SGMS1: variants seen among roughly 807,000 people sequenced by gnomAD.
The protein encoded by SGMS1 is sphingomyelin synthase 1.
In SGMS1, 13 loss-of-function variants were observed where a neutral mutation model predicts 46.2. The ratio of observed to expected loss-of-function variants is 0.28; its 90% confidence interval spans 0.18 to 0.45. The LOEUF (loss-of-function observed/expected upper bound fraction) is 0.45. SGMS1 is among the 20% of genes least tolerant of loss of function. The pLI, the probability that SGMS1 is intolerant of heterozygous loss-of-function variation, is 1.00. For synonymous variants in SGMS1, 203 were observed against 187.8 expected (o/e 1.08, Z -0.66); for missense variants, 324 against 519.9 (o/e 0.62, Z 3.66).
intron 2 of SGMS1, among the ~76,000 whole-genome samples, chr10:50,583,284 T>C (rs1035333665): frequency 6.6e-6 from 1 of 152,172 alleles, no homozygotes. Flanking sequence ...TGAAAATGCT[T>C]TTCAAACCAT....
intron 7 of SGMS1, among the ~76,000 whole-genome samples, chr10:50,341,842 G>A (rs1847826275): frequency 6.6e-6 from 1 of 152,086 alleles, no homozygotes; most frequent in African/African-American, 2.4e-5. Context: ...ATTTCCTGTT[G>A]GGAAAATTGT....
intron 2 of SGMS1, among the ~76,000 whole-genome samples, chr10:50,553,595 G>A (rs1041529446): frequency 1.3e-5 from 2 of 152,032 alleles, no homozygotes; most frequent in Non-Finnish European, 1.5e-5. Context: ...TTTCTAGCTT[G>A]GGGCATTTAA....
chr10:50,566,925 G>A (rs1250076605), intron 2 of SGMS1, among the ~76,000 whole-genome samples: 2 of 152,098 alleles, frequency 1.3e-5, no homozygotes, highest in East Asian at 3.9e-4. Flanking sequence ...TTTTTGTTTT[G>A]TTTTGTTTTG....
At chr10:50,492,747 A>C (rs1837577321) in intron 3 of SGMS1, among the ~76,000 whole-genome samples, 2 of 152,206 alleles carry the variant, frequency 1.3e-5, no homozygotes, top group Non-Finnish European at 2.9e-5. Flanking sequence ...ATCTGATTCA[A>C]TGCTTTCCTA....
At chr10:50,574,111 T>C (rs1243593630) in intron 2 of SGMS1, among the ~76,000 whole-genome samples, 1 of 152,146 alleles carries the variant, frequency 6.6e-6, no homozygotes, top group Non-Finnish European at 1.5e-5. Flanking sequence ...ATATTAGATT[T>C]GGCAATGATT....
intron 3 of SGMS1, among the ~76,000 whole-genome samples, chr10:50,478,738 A>C (rs1837450654): frequency 6.6e-6 from 1 of 152,200 alleles, no homozygotes; most frequent in Admixed American, 6.5e-5. Flanking sequence ...TAAAAATAGG[A>C]ATTTATTTTT....
chr10:50,363,754 T>G (rs1848291770), intron 6 of SGMS1, among the ~76,000 whole-genome samples: 1 of 152,184 alleles, frequency 6.6e-6, no homozygotes, highest in African/African-American at 2.4e-5. Context: ...GAAAAAAGAC[T>G]TAAGGATACT....
At chr10:50,456,261 T>C (rs1431690398) in intron 5 of SGMS1, among the ~76,000 whole-genome samples, 1 of 149,786 alleles carries the variant, frequency 6.7e-6, no homozygotes, top group Non-Finnish European at 1.5e-5. Context: ...TGCTGGTTGA[T>C]GGGACAATAA....
chr10:50,623,978 G>A (rs1330715370), upstream of SGMS1: 4 of 985,248 alleles, frequency 4.1e-6, no homozygotes, highest in Non-Finnish European at 4.8e-6. Flanking sequence ...CCAGTCCGCT[G>A]CCCGAGCCGG....
In SGMS1 at chr10:50,327,194, G is replaced by C; in HGVS notation, c.741+11C>G. On this transcript the variant is annotated intron_variant, in intron 8 of 10. Transcript: ENST00000361781. ...AAACAGAAAGCGAAATTACAGCGAG[G>C]AATAGTTTACCTTCGGAGAACAGTT... 6.8e-7 allele frequency: 1 copy of C among 1,466,188 alleles called. No homozygotes were observed. Among genetic ancestry groups the C allele is most frequent in the Non-Finnish European group, 9.5e-7 (1 of 1,052,384 alleles). 90.8% of individuals were successfully genotyped at this position (1,466,188 alleles called of 1,614,324 possible).
intron 6 of SGMS1, among the ~76,000 whole-genome samples, chr10:50,355,327 C>T (rs1417116535): frequency 2.0e-5 from 3 of 152,196 alleles, no homozygotes; most frequent in African/African-American, 4.8e-5. Context: ...GATGCCAAGC[C>T]GAGGCTGGAC....
At chr10:50,309,166 T>C (rs1011593092) in intron 9 of SGMS1, among the ~76,000 whole-genome samples, 6 of 152,216 alleles carry the variant, frequency 3.9e-5, no homozygotes, top group Non-Finnish European at 7.4e-5. Context: ...ATCAGAAGTA[T>C]AGGGAGTGAA....
chr10:50,611,798 ACCCTT>A (rs1410001872), intron 1 of SGMS1, among the ~76,000 whole-genome samples: 1 of 149,700 alleles, frequency 6.7e-6, no homozygotes, highest in Non-Finnish European at 1.5e-5. Flanking sequence ...CCTTTCCTCC[ACCCTT>A]CCCTCTCCCC....
At chr10:50,596,436 C>T (rs1328164413) in intron 1 of SGMS1, among the ~76,000 whole-genome samples, 1 of 152,258 alleles carries the variant, frequency 6.6e-6, no homozygotes, top group Non-Finnish European at 1.5e-5. Flanking sequence ...CCTCGGCCTC[C>T]CAAAGTGCTG....
At chr10:50,419,081 G>A (rs1448317809) in intron 6 of SGMS1, among the ~76,000 whole-genome samples, 6 of 152,030 alleles carry the variant, frequency 3.9e-5, no homozygotes. Flanking sequence ...TTCACCATAG[G>A]TATGTATAGG....
chr10:50,517,834 C>T (rs564664764), intron 3 of SGMS1, among the ~76,000 whole-genome samples: 205 of 151,892 alleles, frequency 1.3e-3, no homozygotes, highest in African/African-American at 4.5e-3. Context: ...GATGTCCTGA[C>T]GGCAAAAATG....
At chr10:50,491,056 A>C (rs1837563846) in intron 3 of SGMS1, among the ~76,000 whole-genome samples, 1 of 152,238 alleles carries the variant, frequency 6.6e-6, no homozygotes, top group Admixed American at 6.5e-5. Flanking sequence ...AGAAAAAAAA[A>C]GCAGCAGCAG....
chr10:50,474,464 C>A (rs1837402986), intron 3 of SGMS1, among the ~76,000 whole-genome samples: 1 of 152,114 alleles, frequency 6.6e-6, no homozygotes, highest in Non-Finnish European at 1.5e-5. Flanking sequence ...CACCCTGAGA[C>A]AAAGGAAGCC....
chr10:50,408,051 T>C (rs538139012), intron 6 of SGMS1, among the ~76,000 whole-genome samples: 1 of 152,224 alleles, frequency 6.6e-6, no homozygotes, highest in Non-Finnish European at 1.5e-5. Context: ...CTACATAATA[T>C]GATAGCCACT....
Sources: allele counts gnomAD v4.1 joint callset (sites outside exome capture counted in the v4.1 genomes callset), GRCh38; gene constraint gnomAD v4.1.1; transcripts MANE v1.5; gene names NCBI Gene and HGNC (gene_info 2026-07-23, HGNC 2026-07-21).